Variants in EFCAB14 observed in about 807,000 individuals in gnomAD.
EFCAB14 encodes the protein EF-hand calcium binding domain 14, also known as EF-hand calcium-binding domain-containing protein 14.
EFCAB14 carries 43 observed loss-of-function variants against 56.5 expected under a neutral mutation model. The observed-to-expected ratio is 0.76, with a 90% CI of 0.60 to 0.98. EFCAB14 has a LOEUF of 0.98. Ranked by LOEUF, EFCAB14 falls within the 50% of genes least tolerant of loss-of-function variation. The probability of loss-of-function intolerance (pLI) is 0.00; values close to 1 mark genes in which losing one functional copy is unlikely to be tolerated. For synonymous variants in EFCAB14, 235 were observed against 212.9 expected (o/e 1.10, Z -0.90); for missense variants, 538 against 580.3 (o/e 0.93, Z 0.75).
Position 46,678,463 on chromosome 1 carries a change from A to G in EFCAB14, c.1486T>C (p.Ter496GlnextTer29). ...FLELRVALGI[*>Q] ...TTTCTAAAATATGCCTGATGAAGCT[A>G]GATACCTAAAGCTACCCTTAGCTCC... The change falls in exon 11 of 11, where the codon TAG (stop) becomes CAG (glutamine). Residue 496 changes from the stop codon to glutamine, a stop_lost. Coordinates refer to ENST00000371933, the MANE Select transcript of EFCAB14 (RefSeq NM_014774.3). The G allele has an allele frequency of 6.2e-7, 1 of 1,614,096 alleles. No individual in the cohort carries two copies. The highest frequency in any genetic ancestry group is 1.3e-5 in the African/African-American group (1 of 75,048).
At chr1:46,687,247 G>A (rs1290010994) in intron 7 of EFCAB14, among the ~76,000 whole-genome samples, 4 of 152,208 alleles carry the variant, frequency 2.6e-5, no homozygotes, top group African/African-American at 9.7e-5. Context: ...ACAGTAAAGA[G>A]AGTTTAGGAG....
At chr1:46,688,995 A>AT (rs1176232274) in intron 6 of EFCAB14, among the ~76,000 whole-genome samples, 1 of 152,226 alleles carries the variant, frequency 6.6e-6, no homozygotes, top group Non-Finnish European at 1.5e-5. Context: ...AGATTCAATT[A>AT]TTTTTACTGA....
intron 5 of EFCAB14, among the ~76,000 whole-genome samples, chr1:46,690,016 C>T (rs528946127): frequency 2.0e-5 from 3 of 152,192 alleles, no homozygotes; most frequent in Non-Finnish European, 4.4e-5. Flanking sequence ...GAAACTATAG[C>T]ATCACTGTAA....
chr1:46,685,983 C>G (rs1306168682), intron 8 of EFCAB14, among the ~76,000 whole-genome samples: 1 of 152,140 alleles, frequency 6.6e-6, no homozygotes, highest in African/African-American at 2.4e-5. Flanking sequence ...TCAAAAGCTG[C>G]CTTTACTGTG....
chr1:46,690,045 G>A (rs780704297), intron 5 of EFCAB14, among the ~76,000 whole-genome samples: 5 of 152,158 alleles, frequency 3.3e-5, no homozygotes, highest in Non-Finnish European at 7.3e-5. Flanking sequence ...GGACCAACTC[G>A]GTCTCAACCT....
At chr1:46,701,368 A>G (rs1221842020) in intron 3 of EFCAB14, among the ~76,000 whole-genome samples, 1 of 145,420 alleles carries the variant, frequency 6.9e-6, no homozygotes, top group African/African-American at 2.6e-5. Context: ...GAAGGGCAAG[A>G]CTATAGTTAT....
intron 3 of EFCAB14, among the ~76,000 whole-genome samples, chr1:46,704,278 CT>C (rs1315541679): frequency 1.5e-4 from 22 of 151,558 alleles, no homozygotes; most frequent in African/African-American, 5.3e-4. Flanking sequence ...TAGTGAGACC[CT>C]GTCTCTATAA....
In EFCAB14 at chr1:46,678,126, C is replaced by G; in HGVS notation, c.*335G>C. 1 of 176,116 alleles carries G rather than the reference C, an allele frequency of 5.7e-6. No homozygotes were observed. The highest frequency in any genetic ancestry group is 1.2e-5 in the Non-Finnish European group (1 of 84,438). 10.9% of individuals were successfully genotyped at this position (176,116 alleles called of 1,614,324 possible). A position where few individuals can be genotyped will look rare whatever the true frequency, so the allele number is the denominator to read the frequency against. ...GTGAAATATAAAAGTGGCTTATTCT[C>G]TCTCTATATACATTTCCCAGCTTTA... On this transcript the variant is annotated 3_prime_UTR_variant, in exon 11 of 11. Transcript: ENST00000371933.
intron 3 of EFCAB14, among the ~76,000 whole-genome samples, chr1:46,707,434 T>G (rs1365047352): frequency 6.6e-6 from 1 of 152,252 alleles, no homozygotes; most frequent in East Asian, 1.9e-4. Context: ...TTAGGCTTAT[T>G]TGACTGACCA....
At chr1:46,714,553 A>T (rs1053533800) in intron 2 of EFCAB14, among the ~76,000 whole-genome samples, 2 of 152,076 alleles carry the variant, frequency 1.3e-5, no homozygotes, top group African/African-American at 4.8e-5. Flanking sequence ...GCACTTCGGG[A>T]GGCTGAGGCA....
At chr1:46,701,294 C>T (rs895876117) in intron 3 of EFCAB14, among the ~76,000 whole-genome samples, 6 of 152,122 alleles carry the variant, frequency 3.9e-5, no homozygotes, top group African/African-American at 1.4e-4. Flanking sequence ...AGGAAGGGTT[C>T]CTGCCCCAGG....
chr1:46,716,616 G>A (rs1036754685), intron 1 of EFCAB14, among the ~76,000 whole-genome samples, 173 bp from the exon 2 acceptor site: 1 of 152,180 alleles, frequency 6.6e-6, no homozygotes, highest in African/African-American at 2.4e-5. Context: ...ACCTATTAAG[G>A]GTTCATCTAC....
At chr1:46,701,933 T>G (rs1677164722) in intron 3 of EFCAB14, among the ~76,000 whole-genome samples, 1 of 152,236 alleles carries the variant, frequency 6.6e-6, no homozygotes, top group Non-Finnish European at 1.5e-5. Flanking sequence ...TGGAAAGCTA[T>G]AGCAAAGCTT....
intron 5 of EFCAB14, 55 bp downstream of exon 5, chr1:46,691,772 A>T: frequency 7.4e-7 from 1 of 1,347,066 alleles, no homozygotes; most frequent in South Asian, 1.3e-5. Flanking sequence ...TGGCAACATG[A>T]CTCTTACACA....
chr1:46,686,724 A>T (rs947593512), intron 8 of EFCAB14, 60 bp downstream of exon 8: 37 of 1,541,530 alleles, frequency 2.4e-5, no homozygotes, highest in East Asian at 1.1e-4. Flanking sequence ...GCAGTAGATC[A>T]AAAGCACAGA....
chr1:46,692,176 A>T (rs1569701697), intron 4 of EFCAB14: 1 of 363,858 alleles, frequency 2.7e-6, no homozygotes, highest in South Asian at 6.2e-5. Flanking sequence ...TGTCACAATA[A>T]ATCAGTCTTC....
chr1:46,698,523 G>A (rs1216492552), intron 3 of EFCAB14, among the ~76,000 whole-genome samples: 1 of 152,088 alleles, frequency 6.6e-6, no homozygotes, highest in African/African-American at 2.4e-5. Context: ...TAGACTGATC[G>A]GTCTGAGGAG....
At chr1:46,688,170 C>T (rs1676919251) in intron 7 of EFCAB14, among the ~76,000 whole-genome samples, 183 bp downstream of exon 7, 1 of 152,206 alleles carries the variant, frequency 6.6e-6, no homozygotes, top group African/African-American at 2.4e-5. Context: ...CAAACACTGC[C>T]TGGCCATTCA....
intron 10 of EFCAB14, 98 bp from the exon 11 acceptor site, chr1:46,678,734 C>A: frequency 8.5e-7 from 1 of 1,182,204 alleles, no homozygotes; most frequent in Non-Finnish European, 1.1e-6. Flanking sequence ...AAAAGAAAAG[C>A]TACTCCGCAA....
Sources: gnomAD v4.1 joint callset for allele counts (sites outside exome capture counted in the v4.1 genomes callset) on GRCh38, gnomAD v4.1.1 for gene constraint, MANE v1.5 for transcripts, NCBI Gene and HGNC (gene_info 2026-07-23, HGNC 2026-07-21) for gene names.